Variants in RANBP17 observed in about 807,000 individuals in gnomAD.
The protein encoded by RANBP17 is ran-binding protein 17.
In RANBP17, 158 loss-of-function variants were observed where a neutral mutation model predicts 141.2. The observed-to-expected ratio is 1.12, with a 90% CI of 0.98 to 1.28. The LOEUF is 1.28. Among genes scored for constraint, RANBP17 ranks in the 50% most tolerant of loss-of-function variants. The pLI is 0.00. For synonymous variants in RANBP17, 430 were observed against 450.0 expected (o/e 0.96, Z 0.56); for missense variants, 1,438 against 1,290.7 (o/e 1.11, Z -1.75).
intron 12 of RANBP17, among the ~76,000 whole-genome samples, chr5:170,942,246 A>G (rs770311103): frequency 1.3e-5 from 2 of 152,052 alleles, no homozygotes; most frequent in African/African-American, 2.4e-5. Flanking sequence ...ATTCCATGCA[A>G]CCTGTGCCTG....
intron 14 of RANBP17, among the ~76,000 whole-genome samples, chr5:171,001,313 T>G (rs1779186751): frequency 6.6e-6 from 1 of 152,062 alleles, no homozygotes; most frequent in Non-Finnish European, 1.5e-5. Flanking sequence ...ATTGAGAAAC[T>G]AAATGAAAGA....
Position 171,293,981 on chromosome 5 carries a change from G to T in RANBP17, c.3042G>T (p.Lys1014Asn). ...PLLGLILLNE[K>N]YFSELRASLI... is the part of the protein sequence containing the mutation. ...TGGGGCTCATCCTGCTCAATGAGAAGGTGAGTGTGATTGCAGGAAGTCACG... is the reference window on the plus strand; with the variant it reads ...TGGGGCTCATCCTGCTCAATGAGAATGTGAGTGTGATTGCAGGAAGTCACG... Residue 1014 changes from lysine (K) to asparagine (N), a missense_variant and splice_region_variant, in exon 26 of 28, where the codon AAG becomes AAT. Transcript: ENST00000523189. 1 of 1,610,288 alleles carries T rather than the reference G, an allele frequency of 6.2e-7. No homozygotes were observed. Among genetic ancestry groups the T allele is most frequent in the Non-Finnish European group, 8.5e-7 (1 of 1,176,602 alleles).
chr5:171,120,181 C>T (rs1187398217), intron 14 of RANBP17, among the ~76,000 whole-genome samples: 6 of 152,090 alleles, frequency 3.9e-5, no homozygotes, highest in Admixed American at 6.5e-5. Context: ...TCTCTCTCTA[C>T]GTGCTGAGCC....
intron 4 of RANBP17, 136 bp downstream of exon 4, chr5:170,892,689 G>T: frequency 3.1e-6 from 2 of 646,886 alleles, no homozygotes; most frequent in South Asian, 2.5e-5. Flanking sequence ...TTTATCCTCT[G>T]GATCCTTTAT....
At chr5:171,242,923 T>C (rs746264462) in intron 24 of RANBP17, 103 bp downstream of exon 24, 2 of 1,044,616 alleles carry the variant, frequency 1.9e-6, no homozygotes, top group South Asian at 1.5e-5. Context: ...GGAAAAGATA[T>C]TGTGAACCCA....
intron 14 of RANBP17, among the ~76,000 whole-genome samples, chr5:171,104,655 A>G (rs1457042625): frequency 3.3e-5 from 5 of 152,210 alleles, no homozygotes; most frequent in Non-Finnish European, 5.9e-5. Flanking sequence ...AGTCTCAGTC[A>G]TGCTACTAAC....
chr5:170,950,503 A>G (rs1775127264), intron 12 of RANBP17, among the ~76,000 whole-genome samples: 1 of 152,176 alleles, frequency 6.6e-6, no homozygotes. Context: ...ATCACTAATC[A>G]TCAGGGAAAT....
At chr5:171,053,897 A>G (rs1455561734) in intron 14 of RANBP17, among the ~76,000 whole-genome samples, 4 of 129,312 alleles carry the variant, frequency 3.1e-5, no homozygotes, top group Non-Finnish European at 6.5e-5. Flanking sequence ...ATATATATAT[A>G]TATATATATA....
chr5:171,007,042 C>T (rs1444060662), intron 14 of RANBP17, among the ~76,000 whole-genome samples: 1 of 151,986 alleles, frequency 6.6e-6, no homozygotes, highest in Non-Finnish European at 1.5e-5. Context: ...GCTCATGAAG[C>T]CGGTGGTTAT....
At chr5:170,996,465 T>C (rs145780964) in intron 14 of RANBP17, among the ~76,000 whole-genome samples, 1 of 152,200 alleles carries the variant, frequency 6.6e-6, no homozygotes, top group Non-Finnish European at 1.5e-5. Flanking sequence ...ATCCGTACTG[T>C]GTAAAATAGC....
intron 14 of RANBP17, among the ~76,000 whole-genome samples, chr5:171,011,352 GT>G (rs1780020489): frequency 6.6e-6 from 1 of 151,874 alleles, no homozygotes; most frequent in South Asian, 2.1e-4. Flanking sequence ...CAACTAGTAT[GT>G]TTTTTGGCCT....
rs561995595 is a variant in RANBP17 at position 171,106,140 on chromosome 5, A to G, written c.1711-63990A>G. On this transcript the variant is annotated intron_variant, in intron 14 of 27. Transcript: ENST00000523189. ...CATTGTGAAATAACCACTACGTTTA[A>G]GAATCCTGTACTCATTGGTGAGACT... Among the ~76,000 whole-genome samples the G allele has an allele frequency of 3.9e-5, 6 of 152,362 alleles. No individual in the cohort carries two copies. The South Asian group carries it at 1.0e-3, about 26-fold the overall frequency.
At chr5:171,193,650 T>C (rs1440549676) in intron 18 of RANBP17, among the ~76,000 whole-genome samples, 1 of 152,158 alleles carries the variant, frequency 6.6e-6, no homozygotes, top group Non-Finnish European at 1.5e-5. Context: ...CCTTTGCCTT[T>C]TGCGGCTTCT....
chr5:171,222,461 A>G (rs1216833715), intron 22 of RANBP17, among the ~76,000 whole-genome samples: 1 of 152,176 alleles, frequency 6.6e-6, no homozygotes, highest in African/African-American at 2.4e-5. Flanking sequence ...ATGGATAAAA[A>G]TCCTCTGTAA....
At chr5:170,864,262 T>C (rs923754742) in intron 1 of RANBP17, among the ~76,000 whole-genome samples, 7 of 152,184 alleles carry the variant, frequency 4.6e-5, no homozygotes, top group African/African-American at 1.7e-4. Flanking sequence ...GCAAAAATTA[T>C]ACCATCAAGA....
intron 14 of RANBP17, among the ~76,000 whole-genome samples, chr5:171,047,201 A>G (rs1209885730): frequency 6.6e-6 from 1 of 151,696 alleles, no homozygotes; most frequent in East Asian, 1.9e-4. Flanking sequence ...TATTTTTAGT[A>G]AAGATGGGGT....
intron 8 of RANBP17, among the ~76,000 whole-genome samples, chr5:170,915,412 T>C (rs968057270): frequency 6.6e-6 from 1 of 152,118 alleles, no homozygotes; most frequent in South Asian, 2.1e-4. Context: ...AAAGAAAATA[T>C]TGGCATTGAG....
rs73801162 is a variant in RANBP17, at chr5:171,106,351, G to A, written c.1711-63779G>A. Among the ~76,000 whole-genome samples, 1,207 of 152,268 alleles carry A rather than the reference G, an allele frequency of 7.9e-3. 18 individuals carry two copies. Among genetic ancestry groups the A allele is most frequent in the African/African-American group, 0.027 (1,132 of 41,538 alleles). On this transcript the variant is annotated intron_variant, in intron 14 of 27. Transcript: ENST00000523189. Reference sequence around the variant, plus strand: ...TTGGCTAGGTAGATGGAAGGTAGGAGGGGAAGGGGGTAAATTTTTCCAGGT... The same window carrying A: ...TTGGCTAGGTAGATGGAAGGTAGGAAGGGAAGGGGGTAAATTTTTCCAGGT...
intron 12 of RANBP17, among the ~76,000 whole-genome samples, chr5:170,947,110 C>T (rs1441584241): frequency 6.6e-6 from 1 of 152,044 alleles, no homozygotes; most frequent in Admixed American, 6.6e-5. Flanking sequence ...TATATCATAT[C>T]TTATATTGAG....
Sources: allele counts gnomAD v4.1 joint callset (sites outside exome capture counted in the v4.1 genomes callset), GRCh38; gene constraint gnomAD v4.1.1; transcripts MANE v1.5; gene names NCBI Gene and HGNC (gene_info 2026-07-23, HGNC 2026-07-21).